The following SLC26A7 variants were observed in gnomAD, a reference collection of about 807,000 sequenced individuals.
The protein encoded by SLC26A7 is anion exchange transporter.
Under a neutral mutation model 82.5 loss-of-function variants are expected in SLC26A7, and 59 were observed. The observed-to-expected ratio is 0.72, with a 90% confidence interval of 0.58 to 0.89. The LOEUF is 0.89. Among genes scored for constraint, SLC26A7 ranks in the 40% least tolerant of loss-of-function variants. The pLI is 0.00. For synonymous variants in SLC26A7, 271 were observed against 274.3 expected, an observed-to-expected ratio of 0.99 and a Z score of 0.12; for missense variants, 820 against 793.0, an observed-to-expected ratio of 1.03 and a Z score of -0.41.
intron 18 of SLC26A7, chr8:91,394,401 A>C (rs955899975): frequency 6.8e-7 from 1 of 1,471,588 alleles, no homozygotes; most frequent in Non-Finnish European, 9.0e-7. Context: ...ATGGCCTTTT[A>C]AGTTTTTTCT....
chr8:91,271,884 G>A (rs1235877615), intron 2 of SLC26A7, among the ~76,000 whole-genome samples: 1 of 152,186 alleles, frequency 6.6e-6, no homozygotes, highest in African/African-American at 2.4e-5. Flanking sequence ...GTGAGCCACA[G>A]CGCCCGGCCG....
intron 5 of SLC26A7, among the ~76,000 whole-genome samples, chr8:91,330,299 A>T (rs147478316): frequency 1.2e-4 from 18 of 152,336 alleles, no homozygotes; most frequent in African/African-American, 4.3e-4. Flanking sequence ...TGCAGAATTC[A>T]GGCTCAACCT....
chr8:91,258,432 C>A lies in SLC26A7; in HGVS notation c.193+8588C>A, dbSNP rs372937761. 7.9e-5 allele frequency among the ~76,000 whole-genome samples: 12 copies of A among 152,028 alleles called. No homozygotes were observed. The East Asian group carries it at 1.2e-3, about 15-fold the overall frequency. ...TCTACACAGTTTTTCATGCCAGAAA[C>A]CTGGGAGTGATCCTTCTTCCCCTGT... On this transcript the variant is annotated intron_variant, in intron 2 of 18. Transcript: ENST00000276609.
intron 2 of SLC26A7, among the ~76,000 whole-genome samples, chr8:91,251,877 TG>T (rs1810667649): frequency 6.6e-6 from 1 of 152,144 alleles, no homozygotes; most frequent in African/African-American, 2.4e-5. Context: ...TTTGGAAAGG[TG>T]TGACTATCCT....
At chr8:91,233,408 A>G (rs1810341339) in intron 2 of SLC26A7, among the ~76,000 whole-genome samples, 2 of 152,002 alleles carry the variant, frequency 1.3e-5, no homozygotes, top group African/African-American at 4.8e-5. Context: ...CTCTACTAAA[A>G]ATTCAAAAAT....
intron 15 of SLC26A7, among the ~76,000 whole-genome samples, chr8:91,374,407 A>G (rs1227422569): frequency 6.6e-6 from 1 of 150,832 alleles, no homozygotes; most frequent in Non-Finnish European, 1.5e-5. Flanking sequence ...GCTGTATCTT[A>G]GAGGTTTGTT....
chr8:91,393,086 A>G (rs988072152), intron 16 of SLC26A7, among the ~76,000 whole-genome samples: 2 of 152,170 alleles, frequency 1.3e-5, no homozygotes, highest in Admixed American at 1.3e-4. Context: ...TCTATATTTT[A>G]TGTGTCAGAT....
At chr8:91,329,246 A>G (rs959647117) in intron 5 of SLC26A7, among the ~76,000 whole-genome samples, 2 of 137,560 alleles carry the variant, frequency 1.5e-5, no homozygotes, top group South Asian at 4.4e-4. Context: ...GTGTGTGTGC[A>G]TGTGTGCATG....
Position 91,390,103 on chromosome 8 carries a change from CA to C in SLC26A7, c.1776+666del, listed in dbSNP as rs371062295. Among the ~76,000 whole-genome samples the C allele has an allele frequency of 5.1e-3, 772 of 150,402 alleles. 11 individuals are homozygous for C. The highest frequency in any genetic ancestry group is 0.017 in the African/African-American group (700 of 40,490). On this transcript the variant is annotated intron_variant, in intron 16 of 18. Transcript: ENST00000276609. ...CACTTCTAAGATTTTTTTACCTCCC[CA>C]CCCGCCTTTTTTTTTTTTTTTTCTG...
intron 1 of SLC26A7, among the ~76,000 whole-genome samples, chr8:91,214,560 G>C (rs1810003553): frequency 6.6e-6 from 1 of 152,000 alleles, no homozygotes; most frequent in African/African-American, 2.4e-5. Context: ...TTCTAATCTT[G>C]TCTCTACCTT....
At chr8:91,215,734 A>G (rs1810033586) in intron 1 of SLC26A7, among the ~76,000 whole-genome samples, 1 of 152,138 alleles carries the variant, frequency 6.6e-6, no homozygotes, top group East Asian at 1.9e-4. Context: ...GAGTGCTTTG[A>G]TCTCTATCTA....
chr8:91,282,414 C>A (rs1811598544), intron 2 of SLC26A7, among the ~76,000 whole-genome samples: 1 of 152,168 alleles, frequency 6.6e-6, no homozygotes, highest in East Asian at 1.9e-4. Context: ...ATAGAGGAAA[C>A]TTCTATGCTT....
At chr8:91,234,827 A>ACCTACCTACTTCCTTCCTTCCTTC (rs1386380375) in intron 2 of SLC26A7, among the ~76,000 whole-genome samples, 78 of 92,534 alleles carry the variant, frequency 8.4e-4, no homozygotes, top group East Asian at 3.8e-3. Flanking sequence ...CTACCTACCT[A>ACCTACCTACTTCCTTCCTTCCTTC]CTTCCTTCCT....
At chr8:91,258,152 G>A (rs1810859335) in intron 2 of SLC26A7, among the ~76,000 whole-genome samples, 1 of 152,054 alleles carries the variant, frequency 6.6e-6, no homozygotes, top group South Asian at 2.1e-4. Flanking sequence ...GGGGGTCACA[G>A]AGCCACACTA....
intron 15 of SLC26A7, among the ~76,000 whole-genome samples, chr8:91,371,184 T>A (rs1479128741): frequency 3.3e-5 from 5 of 151,900 alleles, no homozygotes; most frequent in African/African-American, 1.2e-4. Flanking sequence ...AAGAAATAGG[T>A]TGATGCTGAA....
At chr8:91,363,583 T>G (rs752721361) in intron 13 of SLC26A7, 45 bp downstream of exon 13, 16 of 1,140,624 alleles carry the variant, frequency 1.4e-5, no homozygotes, top group Non-Finnish European at 1.8e-5. Context: ...TTAATCATTT[T>G]GTGGGTGAGA....
chr8:91,361,082 T>C (rs1169515957), intron 11 of SLC26A7, among the ~76,000 whole-genome samples: 1 of 152,134 alleles, frequency 6.6e-6, no homozygotes, highest in Non-Finnish European at 1.5e-5. Flanking sequence ...TTCATTTAAA[T>C]TGTATTCTCT....
chr8:91,271,827 C>G (rs997234870), intron 2 of SLC26A7, among the ~76,000 whole-genome samples: 41 of 152,242 alleles, frequency 2.7e-4, no homozygotes, highest in African/African-American at 9.1e-4. Flanking sequence ...ATCTCCTGAC[C>G]TTGTGATCCG....
chr8:91,355,870 C>T lies in SLC26A7; in HGVS notation c.1314+2874C>T, dbSNP rs140492244. On this transcript the variant is annotated intron_variant, in intron 11 of 18. Transcript: ENST00000276609. The stretch of plus-strand genomic sequence containing the variant: ...TTAGGTATGTCTCCAAATGCTATCC[C>T]TCCCCTCTCCCCCAACCCCAGAACA... Among the ~76,000 whole-genome samples the T allele has an allele frequency of 5.4e-3, 815 of 152,224 alleles. 7 individuals are homozygous for T. The highest frequency in any genetic ancestry group is 0.018 in the African/African-American group (762 of 41,512).
Sources: allele counts gnomAD v4.1 joint callset (sites outside exome capture counted in the v4.1 genomes callset), GRCh38; gene constraint gnomAD v4.1.1; transcripts MANE v1.5; gene names NCBI Gene and HGNC (gene_info 2026-07-23, HGNC 2026-07-21).